The following ATP8A1 variants were observed in gnomAD, a reference collection of about 807,000 sequenced individuals.
ATP8A1 encodes ATPase phospholipid transporting 8A1.
In ATP8A1, 90 loss-of-function variants were observed where a neutral mutation model predicts 177.7. The ratio of observed to expected loss-of-function variants is 0.51; its 90% CI spans 0.43 to 0.60. ATP8A1 has a LOEUF of 0.60. Ranked by LOEUF, ATP8A1 falls within the 20% of genes least tolerant of loss-of-function variation. ATP8A1 has a pLI of 0.00. For synonymous variants in ATP8A1, 493 were observed against 485.9 expected (o/e 1.01, Z -0.19); for missense variants, 1,072 against 1,392.8 (o/e 0.77, Z 3.67).
At chr4:42,654,342 C>A (rs909393921) in intron 1 of ATP8A1, among the ~76,000 whole-genome samples, 1 of 152,122 alleles carries the variant, frequency 6.6e-6, no homozygotes, top group African/African-American at 2.4e-5. Flanking sequence ...TTGTAAACAA[C>A]TTACAGGCAT....
chr4:42,653,654 C>T lies in ATP8A1; in HGVS notation c.49+3171G>A, dbSNP rs117341028. Among the ~76,000 whole-genome samples the T allele has an allele frequency of 1.4e-4, 21 of 152,326 alleles. No homozygotes were observed. In the East Asian group the frequency reaches 3.7e-3, roughly 27 times the overall value. On this transcript the variant is annotated intron_variant, in intron 1 of 36. Coordinates refer to ENST00000381668, the MANE Select transcript of ATP8A1 (RefSeq NM_006095.2). ...CTTTTAGGATGTCCCTCCCTTATAACGATGTGGCCCCCAACTGGCCCTGTT... is the reference window on the plus strand; with the variant it reads ...CTTTTAGGATGTCCCTCCCTTATAATGATGTGGCCCCCAACTGGCCCTGTT...
At chr4:42,443,393 T>C (rs1345402961) in intron 33 of ATP8A1, among the ~76,000 whole-genome samples, 172 bp downstream of exon 33, 3 of 152,220 alleles carry the variant, frequency 2.0e-5, no homozygotes, top group African/African-American at 7.2e-5. Flanking sequence ...TTTAAAATAT[T>C]CTCTCAAGAT....
intron 23 of ATP8A1, among the ~76,000 whole-genome samples, chr4:42,505,388 A>G (rs1724264858): frequency 6.6e-6 from 1 of 151,860 alleles, no homozygotes; most frequent in Non-Finnish European, 1.5e-5. Flanking sequence ...TGAACTTGAC[A>G]TTTTCCTATT....
intron 25 of ATP8A1, among the ~76,000 whole-genome samples, chr4:42,483,967 C>T (rs547639182): frequency 1.2e-3 from 179 of 152,328 alleles, no homozygotes; most frequent in African/African-American, 4.1e-3. Flanking sequence ...TATCTTAATA[C>T]TTCTGTATTC....
chr4:42,450,283 A>T (rs6447161), intron 30 of ATP8A1, among the ~76,000 whole-genome samples: 47,225 of 152,080 alleles, frequency 0.31, 7,708 homozygotes, highest in Middle Eastern at 0.41. Flanking sequence ...ATAGAGATAA[A>T]AAAAATGTAA....
chr4:42,626,863 T>C, intron 2 of ATP8A1, 132 bp downstream of exon 2: 1 of 696,670 alleles, frequency 1.4e-6, no homozygotes, highest in Non-Finnish European at 2.6e-6. Flanking sequence ...GGAAACAGCC[T>C]ATTCACACTG....
chr4:42,651,734 C>A (rs1741118637), intron 1 of ATP8A1, among the ~76,000 whole-genome samples: 1 of 152,224 alleles, frequency 6.6e-6, no homozygotes, highest in Non-Finnish European at 1.5e-5. Context: ...GGCACCCCAG[C>A]AACCATGCTG....
At chr4:42,446,294 C>G (rs113895745) in intron 31 of ATP8A1, among the ~76,000 whole-genome samples, 1 of 152,070 alleles carries the variant, frequency 6.6e-6, no homozygotes, top group East Asian at 1.9e-4. Context: ...TTTACTACTT[C>G]GGTGGGTTGA....
intron 25 of ATP8A1, among the ~76,000 whole-genome samples, chr4:42,482,843 A>C (rs1315787010): frequency 6.6e-6 from 1 of 152,228 alleles, no homozygotes; most frequent in African/African-American, 2.4e-5. Flanking sequence ...AATTATCTGC[A>C]TGTGTGTGGA....
chr4:42,451,197 G>C (rs184315265), intron 30 of ATP8A1, among the ~76,000 whole-genome samples: 6 of 152,290 alleles, frequency 3.9e-5, no homozygotes, highest in Non-Finnish European at 7.4e-5. Flanking sequence ...GGCAGCAGCA[G>C]GCAGCACTCT....
At chr4:42,653,423 G>T (rs955253484) in intron 1 of ATP8A1, among the ~76,000 whole-genome samples, 8 of 152,184 alleles carry the variant, frequency 5.3e-5, no homozygotes, top group Non-Finnish European at 1.0e-4. Flanking sequence ...CCAAGTGCCT[G>T]TAACAGTAGT....
intron 1 of ATP8A1, among the ~76,000 whole-genome samples, chr4:42,635,810 T>TATACAC (rs1305090729): frequency 1.9e-5 from 2 of 103,896 alleles, no homozygotes; most frequent in African/African-American, 1.0e-4. Context: ...TATATATATA[T>TATACAC]ACACATGTAT....
At chr4:42,444,750 C>A in intron 31 of ATP8A1, 116 bp from the exon 32 acceptor site, 2 of 1,055,798 alleles carry the variant, frequency 1.9e-6, no homozygotes, top group Non-Finnish European at 2.8e-6. Flanking sequence ...TAGGAGACTG[C>A]TGCTTGCTTT....
rs566980632 is a variant in ATP8A1, at chr4:42,632,696, G to A, written c.50-5587C>T. On this transcript the variant is annotated intron_variant, in intron 1 of 36. Transcript: ENST00000381668. Reference sequence around the variant, plus strand: ...GTCAAGAAAACAAAGGATGCTGGTGGGTCACTATCCTAATTATGACTCTGA... The same window carrying A: ...GTCAAGAAAACAAAGGATGCTGGTGAGTCACTATCCTAATTATGACTCTGA... Among the ~76,000 whole-genome samples, 87 of 152,094 alleles carry A rather than the reference G, an allele frequency of 5.7e-4. 1 individual carries two copies. The highest frequency in any genetic ancestry group is 5.6e-3 in the Admixed American group (85 of 15,276).
chr4:42,502,787 A>G (rs1259517800), intron 24 of ATP8A1, among the ~76,000 whole-genome samples: 3 of 152,240 alleles, frequency 2.0e-5, no homozygotes, highest in Middle Eastern at 3.2e-3. Context: ...GACTATTTTA[A>G]GAAGTTGTAT....
chr4:42,590,346 C>G (rs1560494232), intron 7 of ATP8A1, among the ~76,000 whole-genome samples: 1 of 152,058 alleles, frequency 6.6e-6, no homozygotes, highest in Admixed American at 6.6e-5. Flanking sequence ...TAGTCACAAT[C>G]GCTGGAAGGA....
intron 7 of ATP8A1, 47 bp downstream of exon 7, chr4:42,590,764 G>A (rs776784849): frequency 9.0e-6 from 14 of 1,560,982 alleles, no homozygotes; most frequent in African/African-American, 2.7e-5. Context: ...TCCGGTTTAC[G>A]GTGAGGACCC....
chr4:42,441,822 T>C (rs1041998549), intron 33 of ATP8A1, among the ~76,000 whole-genome samples: 2 of 152,188 alleles, frequency 1.3e-5, no homozygotes, highest in African/African-American at 4.8e-5. Flanking sequence ...ATATTTTCAG[T>C]GGAGCACCAG....
At chr4:42,596,680 A>G (rs941508020) in intron 6 of ATP8A1, among the ~76,000 whole-genome samples, 3 of 151,748 alleles carry the variant, frequency 2.0e-5, no homozygotes, top group South Asian at 4.1e-4. Context: ...AAAAAAAAAA[A>G]AAAAGAAAAG....
Sources: gnomAD v4.1 joint callset for allele counts (sites outside exome capture counted in the v4.1 genomes callset) on GRCh38, gnomAD v4.1.1 for gene constraint, MANE v1.5 for transcripts, NCBI Gene and HGNC (gene_info 2026-07-23, HGNC 2026-07-21) for gene names.